Variants in STPG2 observed in about 807,000 individuals in gnomAD.
The protein encoded by STPG2 is sperm-tail PG-rich repeat-containing protein 2.
Under a neutral mutation model 54.2 loss-of-function variants are expected in STPG2, and 56 were observed. The ratio of observed to expected loss-of-function variants is 1.03; its 90% CI spans 0.83 to 1.29. The LOEUF is 1.29. STPG2 is among the 50% of genes most tolerant of loss of function. STPG2 has a pLI of 0.00. For synonymous variants in STPG2, 200 were observed against 181.8 expected, an observed-to-expected ratio of 1.10 and a Z score of -0.81; for missense variants, 596 against 544.9, an observed-to-expected ratio of 1.09 and a Z score of -0.93.
chr4:97,852,759 A>G (rs551290125), intron 8 of STPG2, among the ~76,000 whole-genome samples: 1 of 152,226 alleles, frequency 6.6e-6, no homozygotes, highest in East Asian at 1.9e-4. Context: ...AAGATGAGTA[A>G]GACAAGGTAT....
intron 9 of STPG2, among the ~76,000 whole-genome samples, chr4:97,771,870 A>T (rs1241711838): frequency 6.6e-6 from 1 of 152,166 alleles, no homozygotes; most frequent in Non-Finnish European, 1.5e-5. Flanking sequence ...AGTGTGGAAA[A>T]GTAGGCTTGA....
intron 4 of STPG2, among the ~76,000 whole-genome samples, chr4:97,468,902 G>A (rs1489116546): frequency 6.6e-6 from 1 of 151,964 alleles, no homozygotes; most frequent in Non-Finnish European, 1.5e-5. Context: ...AGATAACTAA[G>A]AAACACAAGC....
intron 9 of STPG2, among the ~76,000 whole-genome samples, chr4:97,764,112 G>GCACACACACA (rs3974908): frequency 5.3e-4 from 75 of 141,178 alleles, no homozygotes; most frequent in African/African-American, 1.8e-3. Context: ...AACACCACAT[G>GCACACACACA]CACACACACA....
intron 8 of STPG2, among the ~76,000 whole-genome samples, chr4:97,942,506 A>C (rs903414525): frequency 6.6e-6 from 1 of 152,148 alleles, no homozygotes; most frequent in African/African-American, 2.4e-5. Context: ...TTTTGAATTT[A>C]TAATTACAAA....
intron 4 of STPG2, among the ~76,000 whole-genome samples, chr4:97,487,060 A>T (rs1730383507): frequency 6.6e-6 from 1 of 151,560 alleles, no homozygotes; most frequent in African/African-American, 2.4e-5. Context: ...ATGCAAAGTC[A>T]TAAGAATGAT....
intron 8 of STPG2, among the ~76,000 whole-genome samples, chr4:97,904,817 G>T (rs1047821941): frequency 6.6e-6 from 1 of 152,170 alleles, no homozygotes; most frequent in Non-Finnish European, 1.5e-5. Context: ...AATGCAGAAG[G>T]CTCAGAAGCC....
chr4:97,545,132 G>A (rs985238491), intron 4 of STPG2, among the ~76,000 whole-genome samples: 35 of 152,028 alleles, frequency 2.3e-4, no homozygotes, highest in African/African-American at 7.5e-4. Context: ...CTTGGACTAC[G>A]TTCTGAGAAG....
At chr4:97,510,697 C>T (rs1730953499) in intron 4 of STPG2, among the ~76,000 whole-genome samples, 1 of 152,104 alleles carries the variant, frequency 6.6e-6, no homozygotes, top group Non-Finnish European at 1.5e-5. Flanking sequence ...AGCACACAAC[C>T]TAGATCCCTC....
chr4:97,913,845 G>A (rs779290972), intron 8 of STPG2, among the ~76,000 whole-genome samples: 1 of 151,992 alleles, frequency 6.6e-6, no homozygotes, highest in Non-Finnish European at 1.5e-5. Flanking sequence ...AATTTAATAA[G>A]CAAATTTAAA....
intron 3 of STPG2, among the ~76,000 whole-genome samples, chr4:98,109,915 T>C (rs1258238527): frequency 6.6e-6 from 1 of 152,136 alleles, no homozygotes; most frequent in African/African-American, 2.4e-5. Context: ...CAATAAATGT[T>C]AAAATTAAGC....
chr4:97,917,068 T>A (rs1214368643), intron 8 of STPG2: 1 of 152,650 alleles, frequency 6.6e-6, no homozygotes, highest in African/African-American at 2.4e-5. Flanking sequence ...AAGTTTCTTA[T>A]GCCAATAACT....
intron 4 of STPG2, among the ~76,000 whole-genome samples, chr4:97,503,608 A>C (rs1426272484): frequency 6.6e-6 from 1 of 151,388 alleles, no homozygotes; most frequent in Non-Finnish European, 1.5e-5. Context: ...TTTAAAAGTT[A>C]AAATGGAATT....
At chr4:97,837,225 A>T (rs1728660507) in intron 9 of STPG2, among the ~76,000 whole-genome samples, 1 of 151,648 alleles carries the variant, frequency 6.6e-6, no homozygotes, top group African/African-American at 2.4e-5. Context: ...TAGCCTTAGG[A>T]TGATCTTAGA....
At chr4:97,481,284 A>G (rs1286296714) in intron 4 of STPG2, among the ~76,000 whole-genome samples, 1 of 151,556 alleles carries the variant, frequency 6.6e-6, no homozygotes, top group East Asian at 1.9e-4. Context: ...ATCTGTAATT[A>G]TAGAGTATAT....
intron 4 of STPG2, among the ~76,000 whole-genome samples, chr4:97,521,089 CTGTT>C (rs1300913063): frequency 1.3e-5 from 2 of 151,972 alleles, no homozygotes; most frequent in African/African-American, 4.8e-5. Flanking sequence ...AAATACTCCA[CTGTT>C]TGTTACTATT....
intron 5 of STPG2, among the ~76,000 whole-genome samples, chr4:98,047,150 A>G (rs1303435753): frequency 2.0e-5 from 3 of 152,056 alleles, no homozygotes; most frequent in African/African-American, 7.2e-5. Flanking sequence ...TCTTCGTTCT[A>G]TGTGGTCTCA....
intron 10 of STPG2, among the ~76,000 whole-genome samples, chr4:97,639,238 C>T (rs6819222): frequency 0.022 from 3,396 of 151,784 alleles, 119 homozygotes; most frequent in African/African-American, 0.076. Context: ...AGTAAACTAT[C>T]GCAAGAACAA....
intron 8 of STPG2, among the ~76,000 whole-genome samples, chr4:97,858,523 G>A (rs940762501): frequency 1.3e-5 from 2 of 152,078 alleles, no homozygotes; most frequent in African/African-American, 4.8e-5. Flanking sequence ...AGTATACACT[G>A]TACCCAATAG....
At chr4:97,855,617 C>T (rs951210965) in intron 8 of STPG2, among the ~76,000 whole-genome samples, 1 of 152,022 alleles carries the variant, frequency 6.6e-6, no homozygotes, top group African/African-American at 2.4e-5. Flanking sequence ...CTGTAGGTTG[C>T]CTGTTCACTC....
Sources: gnomAD v4.1 joint callset for allele counts (sites outside exome capture counted in the v4.1 genomes callset) on GRCh38, gnomAD v4.1.1 for gene constraint, MANE v1.5 for transcripts, NCBI Gene and HGNC (gene_info 2026-07-23, HGNC 2026-07-21) for gene names.